The following SBF2 variants were observed in gnomAD, a reference collection of about 807,000 sequenced individuals.
The protein encoded by SBF2 is SET binding factor 2, also known as myotubularin-related protein 13.
Under a neutral mutation model 225.2 loss-of-function variants are expected in SBF2, and 112 were observed. The observed-to-expected ratio is 0.50, with a 90% CI of 0.43 to 0.58. SBF2 has a LOEUF of 0.58. Among genes scored for constraint, SBF2 ranks in the 20% least tolerant of loss-of-function variants. SBF2 has a pLI of 0.00. For missense variants in SBF2, 1,996 were observed against 2,206.2 expected, an observed-to-expected ratio of 0.90 and a Z score of 1.91; for synonymous variants, 763 against 773.3, an observed-to-expected ratio of 0.99 and a Z score of 0.22.
In SBF2 at chr11:10,180,480, T is replaced by G. The variant is rs972404358; in HGVS notation, c.141+13422A>C. Among the ~76,000 whole-genome samples, 3 of 152,294 alleles carry G rather than the reference T, an allele frequency of 2.0e-5. No homozygotes were observed. The East Asian group carries it at 5.8e-4, about 29-fold the overall frequency. On this transcript the variant is annotated intron_variant, in intron 2 of 39. Transcript: ENST00000256190. ...TATTGTATGTTATTTCTTTCTTTTC[T>G]CTGGTTGCTTTCAAGATCCTTTCTT...
At chr11:9,872,520 A>G (rs1307496351) in intron 17 of SBF2, among the ~76,000 whole-genome samples, 1 of 152,246 alleles carries the variant, frequency 6.6e-6, no homozygotes, top group Non-Finnish European at 1.5e-5. Flanking sequence ...ATTTCACCAG[A>G]GATGATATAT....
intron 1 of SBF2, among the ~76,000 whole-genome samples, chr11:10,242,842 A>G (rs1269412445): frequency 6.6e-6 from 1 of 152,220 alleles, no homozygotes; most frequent in Non-Finnish European, 1.5e-5. Flanking sequence ...ATACATAAAG[A>G]TTGACAGATC....
rs1279185302 is a variant in SBF2, at chr11:9,948,375, T to C, written c.1860+13582A>G. 9.9e-5 allele frequency among the ~76,000 whole-genome samples: 15 copies of C among 152,158 alleles called. 1 individual carries two copies. Among genetic ancestry groups the C allele is most frequent in the Admixed American group, 8.5e-4 (13 of 15,268 alleles). On this transcript the variant is annotated intron_variant, in intron 16 of 39. Transcript: ENST00000256190. Reference sequence around the variant, plus strand: ...TGCACAACAATATAAATATACGTAATGCCACTAAGCTGTATACTTAAGGAT... The same window carrying C: ...TGCACAACAATATAAATATACGTAACGCCACTAAGCTGTATACTTAAGGAT...
At chr11:10,105,713 T>C (rs978350318) in intron 2 of SBF2, among the ~76,000 whole-genome samples, 1 of 152,218 alleles carries the variant, frequency 6.6e-6, no homozygotes, top group East Asian at 1.9e-4. Flanking sequence ...GAAAGGCACA[T>C]GACCTAACCT....
chr11:9,983,098 G>A (rs569264635), intron 13 of SBF2, among the ~76,000 whole-genome samples: 1 of 152,298 alleles, frequency 6.6e-6, no homozygotes, highest in East Asian at 1.9e-4. Context: ...CTGCAAATCC[G>A]GGTTGCAGAC....
At chr11:9,957,301 A>G (rs887844497) in intron 16 of SBF2, 2 of 144,116 alleles carry the variant, frequency 1.4e-5, no homozygotes, top group Non-Finnish European at 2.9e-5. Context: ...ACCGCAAATC[A>G]ACAACTTTCA....
At chr11:9,799,136 A>G (rs1373278294) in intron 32 of SBF2, among the ~76,000 whole-genome samples, 2 of 152,200 alleles carry the variant, frequency 1.3e-5, no homozygotes, top group East Asian at 1.9e-4. Context: ...CTGAGGTAAC[A>G]GTAGAATGGA....
intron 7 of SBF2, 42 bp downstream of exon 7, chr11:10,002,515 T>C (rs761472806): frequency 2.0e-5 from 29 of 1,468,144 alleles, no homozygotes; most frequent in Middle Eastern, 1.7e-4. Context: ...ATAAGTGATA[T>C]GTAGTTTAGG....
At chr11:9,933,363 T>C (rs559198760) in intron 16 of SBF2, among the ~76,000 whole-genome samples, 20 of 152,208 alleles carry the variant, frequency 1.3e-4, no homozygotes, top group Non-Finnish European at 2.4e-4. Context: ...TACATTCTTC[T>C]CAGCACCACA....
At chr11:9,918,586 G>A (rs989506237) in intron 16 of SBF2, among the ~76,000 whole-genome samples, 4 of 151,848 alleles carry the variant, frequency 2.6e-5, no homozygotes, top group African/African-American at 9.7e-5. Flanking sequence ...TGCACAGACT[G>A]GTCTCAATTC....
At chr11:9,977,629 TA>T (rs1310708467) in intron 13 of SBF2, among the ~76,000 whole-genome samples, 2 of 152,214 alleles carry the variant, frequency 1.3e-5, no homozygotes, top group African/African-American at 4.8e-5. Context: ...AGAAGCTGCA[TA>T]GAGGTGTTGC....
intron 25 of SBF2, 31 bp from the exon 26 acceptor site, chr11:9,839,727 TG>T: frequency 1.9e-6 from 3 of 1,595,928 alleles, no homozygotes; most frequent in Non-Finnish European, 2.6e-6. Flanking sequence ...ATCGAAGAAA[TG>T]ATTAGCTCAA....
At chr11:10,271,145 C>T (rs1962460985) in intron 1 of SBF2, among the ~76,000 whole-genome samples, 1 of 150,284 alleles carries the variant, frequency 6.7e-6, no homozygotes, top group African/African-American at 2.5e-5. Context: ...ATCAAAAAGA[C>T]AGAATAACAA....
intron 2 of SBF2, among the ~76,000 whole-genome samples, chr11:10,128,050 G>A (rs979107286): frequency 2.0e-5 from 3 of 152,184 alleles, no homozygotes; most frequent in African/African-American, 7.2e-5. Context: ...TTAGCATTCA[G>A]TATTACTATT....
rs150028248 is a variant in SBF2 at position 9,816,994 on chromosome 11, C to T, written c.3824G>A (p.Arg1275His). ...GVWASLRSST[R>H]LISSPTSFID... ...GAAGGATGTTGGAGAGCTGATCAAGCGAGTGCTAGAGCGAAGACTTGCCCA... is the reference window on the plus strand; with the variant it reads ...GAAGGATGTTGGAGAGCTGATCAAGTGAGTGCTAGAGCGAAGACTTGCCCA... Residue 1275 changes from arginine to histidine, a missense_variant, in exon 29 of 40, where the codon CGC (arginine) becomes CAC (histidine). Arg to His is a conservative substitution (Grantham distance 29). Transcript: ENST00000256190. 805 of 1,614,084 alleles carry T rather than the reference C, an allele frequency of 5.0e-4. 3 individuals are homozygous for T. The highest frequency in any genetic ancestry group is 8.2e-4 in the Admixed American group (49 of 60,008).
chr11:10,148,293 C>A (rs775001794), intron 2 of SBF2, among the ~76,000 whole-genome samples: 6 of 152,044 alleles, frequency 3.9e-5, no homozygotes, highest in Non-Finnish European at 5.9e-5. Flanking sequence ...CCTGTGAGAT[C>A]TACTTTTGAG....
Position 10,120,866 on chromosome 11 carries a change from C to T in SBF2, c.141+73036G>A, listed in dbSNP as rs370768132. On this transcript the variant is annotated intron_variant, in intron 2 of 39. Coordinates refer to ENST00000256190, the MANE Select transcript of SBF2 (RefSeq NM_030962.4). ...AACTCCTGACCTTGTGATCCACCTG[C>T]CTCGGCCTCCCAAAGTGCTGGGAGC... Among the ~76,000 whole-genome samples, 72 of 152,294 alleles carry T rather than the reference C, an allele frequency of 4.7e-4. No individual in the cohort carries two copies. The South Asian group carries it at 0.014, about 31-fold the overall frequency.
intron 2 of SBF2, among the ~76,000 whole-genome samples, chr11:10,092,345 T>C (rs1437021215): frequency 6.6e-6 from 1 of 152,184 alleles, no homozygotes; most frequent in African/African-American, 2.4e-5. Context: ...TATTGTTATA[T>C]TTAGTTTTAA....
intron 21 of SBF2, among the ~76,000 whole-genome samples, chr11:9,850,483 C>T (rs1375902139): frequency 6.6e-6 from 1 of 152,066 alleles, no homozygotes; most frequent in East Asian, 1.9e-4. Flanking sequence ...GTCTCAAACT[C>T]CTGGCCTCAA....
Sources: gnomAD v4.1 joint callset for allele counts (sites outside exome capture counted in the v4.1 genomes callset) on GRCh38, gnomAD v4.1.1 for gene constraint, MANE v1.5 for transcripts, NCBI Gene and HGNC (gene_info 2026-07-23, HGNC 2026-07-21) for gene names.